The following USH2A variants were observed in gnomAD, a reference collection of about 807,000 sequenced individuals.
The protein encoded by USH2A is usherin.
A neutral mutation model predicts 538.9 loss-of-function variants in USH2A; 443 were observed. The ratio of observed to expected loss-of-function variants is 0.82; its 90% CI spans 0.76 to 0.89. The LOEUF (loss-of-function observed/expected upper bound fraction) is 0.89, where lower values mean the gene tolerates loss of function less well. Among genes scored for constraint, USH2A ranks in the 40% least tolerant of loss-of-function variants. USH2A has a pLI of 0.00. For synonymous variants in USH2A, 2,413 were observed against 2,273.5 expected, an observed-to-expected ratio of 1.06 and a Z score of -1.75; for missense variants, 6,633 against 6,324.8, an observed-to-expected ratio of 1.05 and a Z score of -1.65.
intron 55 of USH2A, among the ~76,000 whole-genome samples, chr1:215,772,523 T>A (rs1351430476): frequency 6.6e-6 from 1 of 152,214 alleles, no homozygotes; most frequent in East Asian, 1.9e-4. Context: ...ACAATTACAC[T>A]TCCAAGTAAC....
chr1:216,113,997 A>G (rs2032940290), intron 21 of USH2A, among the ~76,000 whole-genome samples: 1 of 151,726 alleles, frequency 6.6e-6, no homozygotes, highest in Non-Finnish European at 1.5e-5. Flanking sequence ...TGCTTTTTTT[A>G]GTAAATTTTT....
chr1:216,414,706 G>T (rs977518827), intron 3 of USH2A, among the ~76,000 whole-genome samples: 15 of 151,996 alleles, frequency 9.9e-5, no homozygotes, highest in South Asian at 2.1e-4. Context: ...CACGAATAGA[G>T]TTGTATGTTT....
chr1:215,785,881 G>T (rs1661783246), intron 52 of USH2A, among the ~76,000 whole-genome samples: 1 of 150,454 alleles, frequency 6.6e-6, no homozygotes, highest in Non-Finnish European at 1.5e-5. Flanking sequence ...ACCTTAGCTT[G>T]CTCAAATTAT....
chr1:216,199,446 A>G (rs771678158), intron 17 of USH2A, among the ~76,000 whole-genome samples, 181 bp downstream of exon 17: 6 of 152,250 alleles, frequency 3.9e-5, no homozygotes, highest in Non-Finnish European at 5.9e-5. Flanking sequence ...AGATTAGAAG[A>G]AATACACTTG....
intron 9 of USH2A, among the ~76,000 whole-genome samples, chr1:216,292,755 A>G (rs1008556418): frequency 1.3e-5 from 2 of 152,306 alleles, no homozygotes; most frequent in Non-Finnish European, 2.9e-5. Context: ...TGTTACAAAC[A>G]TGCAAAGTGA....
intron 26 of USH2A, among the ~76,000 whole-genome samples, chr1:216,080,310 C>CTTTGTCTCTTTCAA (rs1278339017): frequency 2.4e-4 from 36 of 151,640 alleles, no homozygotes; most frequent in African/African-American, 8.5e-4. Flanking sequence ...CTTAAAGAAG[C>CTTTGTCTCTTTCAA]TAAGAGAACT....
intron 19 of USH2A, among the ~76,000 whole-genome samples, chr1:216,193,624 T>A (rs2102454646): frequency 6.6e-6 from 1 of 152,146 alleles, no homozygotes; most frequent in East Asian, 1.9e-4. Context: ...TGACTGGTAT[T>A]TTTATGGGAG....
intron 47 of USH2A, among the ~76,000 whole-genome samples, chr1:215,824,891 T>TACC (rs1663111397): frequency 6.6e-6 from 1 of 152,174 alleles, no homozygotes; most frequent in African/African-American, 2.4e-5. Flanking sequence ...CCAATTTTCT[T>TACC]ACCATCTGCT....
At chr1:216,297,890 T>C (rs1187039538) in intron 9 of USH2A, among the ~76,000 whole-genome samples, 1 of 152,184 alleles carries the variant, frequency 6.6e-6, no homozygotes, top group Non-Finnish European at 1.5e-5. Flanking sequence ...TATGTTCTAA[T>C]TGGATAAATG....
chr1:215,879,614 T>C (rs1664858853), intron 41 of USH2A, among the ~76,000 whole-genome samples: 1 of 152,212 alleles, frequency 6.6e-6, no homozygotes, highest in Non-Finnish European at 1.5e-5. Context: ...TCCTGAATCT[T>C]ATTTATATAT....
chr1:215,747,080 C>G (rs1250955239), intron 58 of USH2A, among the ~76,000 whole-genome samples: 1 of 152,100 alleles, frequency 6.6e-6, no homozygotes, highest in African/African-American at 2.4e-5. Context: ...CTGTAGGACA[C>G]AAGAAAATGT....
chr1:216,394,521 A>G (rs11590357), intron 3 of USH2A, among the ~76,000 whole-genome samples: 4,472 of 152,268 alleles, frequency 0.029, 113 homozygotes, highest in Non-Finnish European at 0.046. Context: ...TTTGCTTTAT[A>G]TAAGTCATTT....
chr1:216,355,306 AAAAAGAAAGAAAGAAAGAAAG>A (rs1255322788), intron 4 of USH2A, among the ~76,000 whole-genome samples: 3 of 136,660 alleles, frequency 2.2e-5, no homozygotes, highest in Non-Finnish European at 4.7e-5. Context: ...ACTCTGCTTC[AAAAAGAAAGAAAGAAAGAAAG>A]AAAGAAAGAA....
intron 4 of USH2A, among the ~76,000 whole-genome samples, chr1:216,330,679 T>A (rs181936828): frequency 3.2e-4 from 49 of 152,020 alleles, no homozygotes; most frequent in East Asian, 1.6e-3. Context: ...CTGTAAGAAA[T>A]TTGATTTCTG....
chr1:216,169,624 T>C (rs1354459936), intron 21 of USH2A, among the ~76,000 whole-genome samples: 2 of 152,168 alleles, frequency 1.3e-5, no homozygotes, highest in African/African-American at 4.8e-5. Flanking sequence ...TAAGAAGATA[T>C]GCATTTTGAT....
chr1:216,175,086 C>A (rs1307192438), intron 21 of USH2A, 166 bp downstream of exon 21: 2 of 1,450,552 alleles, frequency 1.4e-6, no homozygotes, highest in Non-Finnish European at 1.8e-6. Flanking sequence ...CCCCAGAATT[C>A]TAAAAAGATG....
At chr1:216,053,454 C>CTTTTTTTTTTTTTTTTTT (rs34981846) in intron 30 of USH2A, among the ~76,000 whole-genome samples, 1 of 111,182 alleles carries the variant, frequency 9.0e-6, no homozygotes. Flanking sequence ...CCAGAGAAGT[C>CTTTTTTTTTTTTTTTTTT]TTTTTTTTTT....
chr1:216,176,771 G>T (rs559334959), intron 20 of USH2A, among the ~76,000 whole-genome samples: 119 of 152,194 alleles, frequency 7.8e-4, no homozygotes, highest in African/African-American at 2.7e-3. Context: ...GCCTTTTCCA[G>T]AAAGTCATAT....
At chr1:216,235,123 T>C (rs2035781497) in intron 13 of USH2A, among the ~76,000 whole-genome samples, 1 of 152,200 alleles carries the variant, frequency 6.6e-6, no homozygotes, top group Admixed American at 6.5e-5. Flanking sequence ...TCTAGACCAT[T>C]ACCTCCTTTT....
Sources: allele counts gnomAD v4.1 joint callset (sites outside exome capture counted in the v4.1 genomes callset), GRCh38; gene constraint gnomAD v4.1.1; transcripts MANE v1.5; gene names NCBI Gene and HGNC (gene_info 2026-07-23, HGNC 2026-07-21).